Variants in WDFY3 observed in about 807,000 individuals in gnomAD.
WDFY3 encodes the protein WD repeat and FYVE domain-containing protein 3.
A neutral mutation model predicts 409.6 loss-of-function variants in WDFY3; 66 were observed. That is an observed-to-expected ratio of 0.16 (90% CI 0.13 to 0.20). The LOEUF (loss-of-function observed/expected upper bound fraction) is 0.20, where lower values mean the gene tolerates loss of function less well. Among genes scored for constraint, WDFY3 ranks in the 10% least tolerant of loss-of-function variants. The pLI is 1.00. For missense variants in WDFY3, 3,031 were observed against 4,298.1 expected (o/e 0.71, Z 8.24); for synonymous variants, 1,521 against 1,537.1 (o/e 0.99, Z 0.25).
At chr4:84,800,197 A>T (rs1259981411) in intron 17 of WDFY3, among the ~76,000 whole-genome samples, 3 of 152,208 alleles carry the variant, frequency 2.0e-5, no homozygotes, top group Non-Finnish European at 4.4e-5. Context: ...ACTGCATAAA[A>T]GTTTCTTAAT....
intron 17 of WDFY3, among the ~76,000 whole-genome samples, chr4:84,800,557 G>A (rs956666740): frequency 6.6e-6 from 1 of 152,190 alleles, no homozygotes; most frequent in Admixed American, 6.5e-5. Flanking sequence ...TGCAGCTCAA[G>A]AGCAATATGA....
At chr4:84,689,209 T>C (rs1027106410) in intron 61 of WDFY3, among the ~76,000 whole-genome samples, 1 of 152,192 alleles carries the variant, frequency 6.6e-6, no homozygotes, top group Admixed American at 6.5e-5. Context: ...GGTTGATAAA[T>C]TTTTTAATAC....
intron 2 of WDFY3, among the ~76,000 whole-genome samples, chr4:84,905,845 G>A (rs1368533196): frequency 6.6e-6 from 1 of 152,024 alleles, no homozygotes; most frequent in Admixed American, 6.6e-5. Flanking sequence ...CACACTGCAG[G>A]GTCTTCCCTT....
Position 84,828,881 on chromosome 4 carries a change from AG to A in WDFY3, c.956+122del, listed in dbSNP as rs1578710350. The A allele has an allele frequency of 3.9e-5, 38 of 975,780 alleles. No homozygotes were observed. In the East Asian group the frequency reaches 1.1e-3, roughly 28 times the overall value. The allele number at this position is 975,780 out of a possible 1,614,324, so 60.4% of individuals were successfully genotyped here. ...ACCAGAAAAAGAAGGGAGTAAAGCC[AG>A]GTATACATTAAATAAGTGTTTCCTT... On this transcript the variant is annotated intron_variant, in intron 9 of 67. Coordinates refer to ENST00000295888, the MANE Select transcript of WDFY3 (RefSeq NM_014991.6).
chr4:84,760,784 G>GT (rs1224922320), intron 32 of WDFY3, among the ~76,000 whole-genome samples: 4 of 145,924 alleles, frequency 2.7e-5, no homozygotes, highest in African/African-American at 1.0e-4. Flanking sequence ...TTTTTGAAGG[G>GT]TTTTTTGTGT....
chr4:84,689,725 C>T (rs1308953206), intron 61 of WDFY3, among the ~76,000 whole-genome samples: 1 of 152,150 alleles, frequency 6.6e-6, no homozygotes, highest in African/African-American at 2.4e-5. Flanking sequence ...TAACCTGTGT[C>T]TTTTTCAGGG....
intron 13 of WDFY3, among the ~76,000 whole-genome samples, chr4:84,812,812 C>G (rs1253589113): frequency 6.6e-6 from 1 of 152,092 alleles, no homozygotes; most frequent in African/African-American, 2.4e-5. Context: ...TGTTGTTGCT[C>G]TGACATTATC....
At chr4:84,917,889 A>C (rs781234216) in intron 2 of WDFY3, among the ~76,000 whole-genome samples, 41 of 152,134 alleles carry the variant, frequency 2.7e-4, no homozygotes, top group Non-Finnish European at 5.0e-4. Context: ...CCTAGAGAAA[A>C]ATGAAAGAAG....
chr4:84,674,456 G>A (rs558595985), intron 67 of WDFY3, among the ~76,000 whole-genome samples: 5 of 152,054 alleles, frequency 3.3e-5, no homozygotes, highest in Non-Finnish European at 7.4e-5. Context: ...TATAGTCTCA[G>A]CTACTTGGAA....
chr4:84,860,794 G>A (rs1038335418), intron 3 of WDFY3, among the ~76,000 whole-genome samples, 172 bp from the exon 4 acceptor site: 10 of 152,114 alleles, frequency 6.6e-5, no homozygotes, highest in Non-Finnish European at 1.3e-4. Flanking sequence ...AAATCCCCCT[G>A]AAGGGCAAAT....
intron 3 of WDFY3, among the ~76,000 whole-genome samples, chr4:84,878,732 C>T (rs565091540): frequency 1.3e-5 from 2 of 152,248 alleles, no homozygotes; most frequent in South Asian, 2.1e-4. Flanking sequence ...TCATACATCA[C>T]GTGTTACCAA....
intron 7 of WDFY3, among the ~76,000 whole-genome samples, chr4:84,832,623 T>C (rs1238135266): frequency 6.6e-6 from 1 of 152,174 alleles, no homozygotes; most frequent in Admixed American, 6.5e-5. Context: ...CAATTATTAT[T>C]TGTCAATTAA....
At chr4:84,949,948 C>T (rs1773387453) in intron 1 of WDFY3, among the ~76,000 whole-genome samples, 1 of 152,238 alleles carries the variant, frequency 6.6e-6, no homozygotes, top group South Asian at 2.1e-4. Flanking sequence ...ATGCTGTTCG[C>T]GTATGTTTAT....
intron 8 of WDFY3, among the ~76,000 whole-genome samples, chr4:84,830,662 A>G (rs1755576818): frequency 6.6e-6 from 1 of 152,170 alleles, no homozygotes; most frequent in Non-Finnish European, 1.5e-5. Context: ...TATACTTTAA[A>G]CCAACAGTGT....
intron 3 of WDFY3, among the ~76,000 whole-genome samples, chr4:84,864,056 T>C (rs900849467): frequency 4.6e-5 from 7 of 152,174 alleles, no homozygotes; most frequent in Non-Finnish European, 8.8e-5. Context: ...AAGATTTTTT[T>C]TTCTATTTCT....
intron 37 of WDFY3, among the ~76,000 whole-genome samples, chr4:84,743,397 A>G (rs1352419162): frequency 1.3e-5 from 2 of 152,188 alleles, no homozygotes; most frequent in African/African-American, 2.4e-5. Context: ...TAAGTATTGT[A>G]CACCTATGTG....
At position 84,677,310 on chromosome 4, in the gene WDFY3, TCAG is replaced by T. The variant is rs763470727; in HGVS notation, c.10343_10345del (p.Ala3448del). The T allele has an allele frequency of 1.6e-5, 26 of 1,614,194 alleles. No individual in the cohort carries two copies. In the East Asian group the frequency reaches 2.7e-4, roughly 17 times the overall value. Reference sequence around the variant, plus strand: ...ACCACCTTCATCCTTCACCCAGTGATCAGCAGCAGAACGGCCTGGCTGGTCACT... The same window carrying T: ...ACCACCTTCATCCTTCACCCAGTGATCAGCAGAACGGCCTGGCTGGTCACT... On this transcript the variant is annotated inframe_deletion, in exon 67 of 68. Transcript: ENST00000295888.
intron 21 of WDFY3, among the ~76,000 whole-genome samples, chr4:84,793,660 C>T (rs1415717791): frequency 6.6e-6 from 1 of 152,018 alleles, no homozygotes; most frequent in Non-Finnish European, 1.5e-5. Flanking sequence ...TTAATTAGGA[C>T]GAATTAGTCA....
At chr4:84,897,972 TAAAC>T (rs1452665183) in intron 2 of WDFY3, among the ~76,000 whole-genome samples, 1 of 152,144 alleles carries the variant, frequency 6.6e-6, no homozygotes, top group African/African-American at 2.4e-5. Context: ...AAAAGTGAAA[TAAAC>T]AAATTAAATT....
Sources: allele counts gnomAD v4.1 joint callset (sites outside exome capture counted in the v4.1 genomes callset), GRCh38; gene constraint gnomAD v4.1.1; transcripts MANE v1.5; gene names NCBI Gene and HGNC (gene_info 2026-07-23, HGNC 2026-07-21).